SEZ6: variants seen among roughly 807,000 people sequenced by gnomAD.
SEZ6 encodes seizure protein 6 homolog.
Under a neutral mutation model 101.0 loss-of-function variants are expected in SEZ6, and 53 were observed. That is an observed-to-expected ratio of 0.52 (90% confidence interval 0.42 to 0.66). The LOEUF (loss-of-function observed/expected upper bound fraction) is 0.66. Among genes scored for constraint, SEZ6 ranks in the 30% least tolerant of loss-of-function variants. SEZ6 has a pLI of 0.00. For synonymous variants in SEZ6, 488 were observed against 512.2 expected (o/e 0.95, Z 0.64); for missense variants, 1,102 against 1,289.4 (o/e 0.85, Z 2.23).
intron 1 of SEZ6, among the ~76,000 whole-genome samples, chr17:28,998,859 G>A (rs1684699972): frequency 2.6e-5 from 4 of 152,192 alleles, no homozygotes; most frequent in Admixed American, 2.6e-4. Context: ...GGCCTTGAGC[G>A]GTCCCTGGCC....
At position 28,956,382 on chromosome 17, in the gene SEZ6, C is replaced by A. The variant is rs556751154; in HGVS notation, c.2817G>T (p.Leu939Phe). The part of the protein sequence containing the change: ...AIFLPLVAMV[L>F]LVGGVYFYFS... The stretch of plus-strand genomic sequence containing the variant: ...AGTAGAAGTATACACCTCCTACCAA[C>A]AACACCATCGCCACCAGTGGCAAGA... Residue 939 changes from leucine (L) to phenylalanine (F), a missense_variant, in exon 15 of 17, where the codon TTG becomes TTT. Coordinates refer to ENST00000317338, the MANE Select transcript of SEZ6 (RefSeq NM_178860.5). 24 of 1,573,094 alleles carry A rather than the reference C, an allele frequency of 1.5e-5. 1 individual carries two copies. The South Asian group carries it at 2.2e-4, about 15-fold the overall frequency.
In SEZ6 at chr17:29,005,784, C is replaced by G; in HGVS notation, c.55+31G>C. ...ACCCCTGGGGCCCCGCTCCCGCCCC[C>G]GTCCTGCCGCCGGATGCCGGGGTCC... On this transcript the variant is annotated intron_variant, in intron 1 of 16. Transcript: ENST00000317338. The surrounding 1 kb of genome is among the most constrained non-coding windows in gnomAD (Gnocchi z 4.8). The G allele has an allele frequency of 6.8e-7, 1 of 1,478,312 alleles. No individual in the cohort carries two copies. Among genetic ancestry groups the G allele is most frequent in the Middle Eastern group, 2.2e-4 (1 of 4,454 alleles). The allele number at this position is 1,478,312 out of a possible 1,614,324, so 91.6% of individuals were successfully genotyped here. A position where few individuals can be genotyped will look rare whatever the true frequency, so the allele number is the denominator to read the frequency against.
chr17:28,962,637 T>C (rs541549545), intron 5 of SEZ6, among the ~76,000 whole-genome samples: 12 of 151,366 alleles, frequency 7.9e-5, no homozygotes, highest in African/African-American at 2.9e-4. Flanking sequence ...AAAAATTAGC[T>C]GGGTATGGTG....
intron 3 of SEZ6, among the ~76,000 whole-genome samples, chr17:28,976,275 A>T (rs769126338): frequency 6.6e-6 from 1 of 152,146 alleles, no homozygotes; most frequent in Non-Finnish European, 1.5e-5. Context: ...GGATTCTGGT[A>T]CCCCTGAGGC....
chr17:28,983,590 G>T (rs1320149615), intron 1 of SEZ6, among the ~76,000 whole-genome samples: 1 of 151,954 alleles, frequency 6.6e-6, no homozygotes, highest in Non-Finnish European at 1.5e-5. Flanking sequence ...CTGGAGAGAT[G>T]ATGCATATTC....
chr17:29,001,856 G>A (rs2041618929), intron 1 of SEZ6, among the ~76,000 whole-genome samples: 1 of 152,146 alleles, frequency 6.6e-6, no homozygotes, highest in African/African-American at 2.4e-5. Flanking sequence ...CCTGAGAATA[G>A]GCCAGTAAGC....
At position 28,981,764 on chromosome 17, in the gene SEZ6, C is replaced by A. The variant is rs1473473776; in HGVS notation, c.331G>T (p.Ala111Ser). The A allele has an allele frequency of 3.1e-6, 5 of 1,611,306 alleles. No individual in the cohort carries two copies. The highest frequency in any genetic ancestry group is 4.2e-6 in the Non-Finnish European group (5 of 1,177,884). The change falls in exon 2 of 17, where the codon GCC (alanine) becomes TCC (serine). Residue 111 changes from alanine (A) to serine (S), a missense_variant. By Grantham distance (99) the Ala-to-Ser change is moderately conservative. Coordinates refer to ENST00000317338, the MANE Select transcript of SEZ6 (RefSeq NM_178860.5). ...AAGACAGGGCGGCTGTCCTGGTTGG[C>A]CAGGCGGGGAAGGGGACTTGGGGTG... ...PFTPSPLPRL[A>S]NQDSRPVFTS...
At chr17:28,989,845 A>T (rs1278980423) in intron 1 of SEZ6, among the ~76,000 whole-genome samples, 2 of 152,100 alleles carry the variant, frequency 1.3e-5, no homozygotes, top group Non-Finnish European at 2.9e-5. Flanking sequence ...AGGTGGGGGG[A>T]TCACCTGAGG....
rs970630170 is a variant in SEZ6 at position 29,005,905 on chromosome 17, C to T, written c.-36G>A. The T allele has an allele frequency of 1.5e-6, 2 of 1,371,920 alleles. No individual in the cohort carries two copies. The highest frequency in any genetic ancestry group is 3.0e-5 in the African/African-American group (2 of 66,126). 85.0% of individuals were successfully genotyped at this position (1,371,920 alleles called of 1,614,324 possible). A position where few individuals can be genotyped will look rare whatever the true frequency, so the allele number is the denominator to read the frequency against. On this transcript the variant is annotated 5_prime_UTR_variant, in exon 1 of 17. Coordinates refer to ENST00000317338, the MANE Select transcript of SEZ6 (RefSeq NM_178860.5). The surrounding 1 kb of genome is among the most constrained non-coding windows in gnomAD (Gnocchi z 4.8). Reference sequence around the variant, plus strand: ...GCGGCCGCGCCCTGGGCTGGGACCGCGGCGGGAGGGCGGGGGGCTTGGTGG... The same window carrying T: ...GCGGCCGCGCCCTGGGCTGGGACCGTGGCGGGAGGGCGGGGGGCTTGGTGG...
At chr17:28,980,251 A>G (rs2041280888) in intron 2 of SEZ6, among the ~76,000 whole-genome samples, 1 of 145,106 alleles carries the variant, frequency 6.9e-6, no homozygotes, top group Admixed American at 7.0e-5. Flanking sequence ...CTTGTTGCTC[A>G]GGCTGAAGTG....
chr17:28,974,154 G>C, intron 3 of SEZ6, among the ~76,000 whole-genome samples: 1 of 152,214 alleles, frequency 6.6e-6, no homozygotes, highest in East Asian at 1.9e-4. Flanking sequence ...TGGCACTACA[G>C]TTTTTGTACT....
At position 29,004,745 on chromosome 17, in the gene SEZ6, C is replaced by T. The variant is rs975400103; in HGVS notation, c.55+1070G>A. On this transcript the variant is annotated intron_variant, in intron 1 of 16. Transcript: ENST00000317338. ...GTCTCAACTCCAAGTGCGGTTCTGC[C>T]GACCCTACCAGCCTACTGCAGCGGG... Among the ~76,000 whole-genome samples, 3 of 152,124 alleles carry T rather than the reference C, an allele frequency of 2.0e-5. No individual in the cohort carries two copies. In the East Asian group the frequency reaches 5.8e-4, roughly 29 times the overall value.
chr17:28,958,693 G>T (rs1024305517), intron 10 of SEZ6, among the ~76,000 whole-genome samples: 1 of 152,062 alleles, frequency 6.6e-6, no homozygotes, highest in Non-Finnish European at 1.5e-5. Flanking sequence ...AGGAGGATGA[G>T]GCACGAGAAT....
In SEZ6 at chr17:29,005,240, G is replaced by A. The variant is rs2041671296; in HGVS notation, c.55+575C>T. ...CCTTGGAGTTTCTCTCTAGAATTGT[G>A]CTCTAGGTCCCGACTCTGGCGTGGC... On this transcript the variant is annotated intron_variant, in intron 1 of 16. Transcript: ENST00000317338. The surrounding 1 kb of genome is among the most constrained non-coding windows in gnomAD (Gnocchi z 4.8). Among the ~76,000 whole-genome samples the A allele has an allele frequency of 6.6e-6, 1 of 152,188 alleles. No homozygotes were observed. The highest frequency in any genetic ancestry group is 1.5e-5 in the Non-Finnish European group (1 of 68,020).
chr17:28,963,125 A>G (rs2152684654), intron 5 of SEZ6, among the ~76,000 whole-genome samples: 1 of 127,490 alleles, frequency 7.8e-6, no homozygotes, highest in African/African-American at 3.7e-5. Flanking sequence ...CTCCGTCTCG[A>G]AGAAAAAAAA....
At chr17:28,982,096 G>A (rs959820975) in intron 1 of SEZ6, 57 bp from the exon 2 acceptor site, 101 of 1,503,264 alleles carry the variant, frequency 6.7e-5, no homozygotes, top group African/African-American at 9.7e-5. Context: ...GCAGCATCAC[G>A]CCCAACTCGA....
At chr17:29,006,066 C>A (rs1280201875), upstream of SEZ6, 3 of 371,504 alleles carry the variant, frequency 8.1e-6, no homozygotes, top group African/African-American at 2.2e-5. Context: ...CGGGGATCGC[C>A]GAGCGGGGCT....
At chr17:28,985,330 G>A (rs2041365102) in intron 1 of SEZ6, among the ~76,000 whole-genome samples, 3 of 152,204 alleles carry the variant, frequency 2.0e-5, no homozygotes, top group African/African-American at 7.2e-5. Flanking sequence ...CCCTCAGGAA[G>A]CCTTCTGGCT....
In SEZ6 at chr17:29,000,509, A is replaced by G. The variant is rs1045035981; in HGVS notation, c.55+5306T>C. Reference sequence around the variant, plus strand: ...CAATATATATCTATGGAATGAATGAATGAATGATGGATGGATGGGTAGATA... The same window carrying G: ...CAATATATATCTATGGAATGAATGAGTGAATGATGGATGGATGGGTAGATA... On this transcript the variant is annotated intron_variant, in intron 1 of 16. Coordinates refer to ENST00000317338, the MANE Select transcript of SEZ6 (RefSeq NM_178860.5). Among the ~76,000 whole-genome samples the G allele has an allele frequency of 2.0e-5, 3 of 152,184 alleles. No homozygotes were observed. In the East Asian group the frequency reaches 5.8e-4, roughly 29 times the overall value.
Sources: gnomAD v4.1 joint callset for allele counts (sites outside exome capture counted in the v4.1 genomes callset) on GRCh38, gnomAD v4.1.1 for gene constraint, Gnocchi (gnomAD v3.1) non-coding constraint, MANE v1.5 for transcripts, NCBI Gene and HGNC (gene_info 2026-07-23, HGNC 2026-07-21) for gene names.